The following CDCA2 variants were observed in gnomAD, a reference collection of about 807,000 sequenced individuals.
CDCA2 encodes cell division cycle-associated protein 2.
In CDCA2, 44 loss-of-function variants were observed where a neutral mutation model predicts 67.0. The observed-to-expected ratio is 0.66, with a 90% confidence interval of 0.52 to 0.84. CDCA2 has a LOEUF of 0.84. Ranked by LOEUF, CDCA2 falls within the 40% of genes least tolerant of loss-of-function variation. The probability of loss-of-function intolerance (pLI) is 0.00; values close to 1 mark genes in which losing one functional copy is unlikely to be tolerated. For missense variants in CDCA2, 1,253 were observed against 1,203.2 expected (o/e 1.04, Z -0.61); for synonymous variants, 447 against 418.7 (o/e 1.07, Z -0.82).
At chr8:25,467,395 A>G (rs1802958429) in intron 5 of CDCA2, among the ~76,000 whole-genome samples, 1 of 152,184 alleles carries the variant, frequency 6.6e-6, no homozygotes. Flanking sequence ...ATTCAGATGT[A>G]CCGATTTATA....
Position 25,507,637 on chromosome 8 carries a change from C to T in CDCA2, c.2971C>T (p.Gln991Ter), listed in dbSNP as rs1171946404. 1 of 1,614,148 alleles carries T rather than the reference C, an allele frequency of 6.2e-7. No individual in the cohort carries two copies. Reference sequence around the variant, plus strand: ...ACTTGCAAATACTAAAGCCACTTCCCAGTTCAAAGGCTACCGGAGAAGATC... The same window carrying T: ...ACTTGCAAATACTAAAGCCACTTCCTAGTTCAAAGGCTACCGGAGAAGATC... The part of the protein sequence containing the change: ...STLANTKATS[Q>*]FKGYRRRSSL... The change falls in exon 15 of 15, where the codon CAG becomes TAG. Residue 991 changes from glutamine to a stop codon, truncating the protein, a stop_gained. Transcript: ENST00000330560. LOFTEE classifies it low-confidence loss of function (END_TRUNC).
At chr8:25,505,241 G>C (rs112952792) in intron 14 of CDCA2, among the ~76,000 whole-genome samples, 4 of 151,744 alleles carry the variant, frequency 2.6e-5, no homozygotes, top group East Asian at 1.9e-4. Context: ...TCACTCTGTC[G>C]CCCAGCCTGG....
intron 11 of CDCA2, among the ~76,000 whole-genome samples, chr8:25,486,747 G>A (rs1180994313): frequency 1.3e-5 from 2 of 151,964 alleles, no homozygotes; most frequent in East Asian, 1.9e-4. Context: ...CCGGGGAGAC[G>A]GAGGTTGCAG....
intron 7 of CDCA2, among the ~76,000 whole-genome samples, chr8:25,470,869 C>G (rs769987708): frequency 1.3e-5 from 2 of 151,588 alleles, no homozygotes; most frequent in African/African-American, 2.4e-5. Context: ...TCAAGCCATT[C>G]TTGTGTTTCA....
At chr8:25,463,049 T>G (rs1184145777) in intron 4 of CDCA2, among the ~76,000 whole-genome samples, 1 of 152,154 alleles carries the variant, frequency 6.6e-6, no homozygotes, top group Non-Finnish European at 1.5e-5. Context: ...TTTCTCAATT[T>G]TTTTTTCTAG....
In CDCA2 at chr8:25,506,741, C is replaced by A; in HGVS notation, c.2075C>A (p.Pro692Gln). 6.2e-7 allele frequency: 1 copy of A among 1,611,746 alleles called. No individual in the cohort carries two copies. The highest frequency in any genetic ancestry group is 1.1e-5 in the South Asian group (1 of 90,400). ...AACATTAATGAAAATAAAAATATTC[C>A]AAAAGCAAAAAATAAGTCAGAAAGT... ...IMNINENKNI[P>Q]KAKNKSESEN... The change falls in exon 15 of 15, where the codon CCA (proline) becomes CAA (glutamine). Residue 692 changes from proline (P) to glutamine (Q), a missense_variant. Transcript: ENST00000330560.
rs774441754 is a variant in CDCA2 at position 25,466,203 on chromosome 8, A to G, written c.416A>G (p.Asn139Ser). 7 of 1,610,904 alleles carry G rather than the reference A, an allele frequency of 4.3e-6. No homozygotes were observed. In the Admixed American group the frequency reaches 1.2e-4, roughly 27 times the overall value. The stretch of plus-strand genomic sequence containing the variant: ...AGCCCTGCACTGTATCGAAATGTTA[A>G]CACTTTAAGAGAACGAATATCAGCC... The part of the protein sequence containing the change: ...QGSPALYRNV[N>S]TLRERISAFQ... The change falls in exon 5 of 15, where the codon AAC becomes AGC. Residue 139 changes from asparagine (N) to serine (S), a missense_variant. Transcript: ENST00000330560.
intron 4 of CDCA2, among the ~76,000 whole-genome samples, chr8:25,463,527 A>G (rs967400085): frequency 6.6e-6 from 1 of 152,178 alleles, no homozygotes; most frequent in Non-Finnish European, 1.5e-5. Context: ...TGATAGTCAT[A>G]ATGAATGACT....
At chr8:25,464,025 C>G (rs1421092075) in intron 4 of CDCA2, among the ~76,000 whole-genome samples, 1 of 152,236 alleles carries the variant, frequency 6.6e-6, no homozygotes, top group Non-Finnish European at 1.5e-5. Context: ...TAAGCCAGCA[C>G]TTTTAGGGAC....
In CDCA2 at chr8:25,484,089, G is replaced by T. The variant is rs1314288211; in HGVS notation, c.1244G>T (p.Arg415Leu). The T allele has an allele frequency of 6.2e-7, 1 of 1,614,198 alleles. No individual in the cohort carries two copies. Among genetic ancestry groups the T allele is most frequent in the Non-Finnish European group, 8.5e-7 (1 of 1,180,034 alleles). Residue 415 changes from arginine (R) to leucine (L), a missense_variant, in exon 10 of 15, where the codon CGT becomes CTT. Physicochemically the swap from Arg to Leu is moderately radical, Grantham distance 102 (BLOSUM62 -2). Coordinates refer to ENST00000330560, the MANE Select transcript of CDCA2 (RefSeq NM_152562.4). ...DESLPANTPLRKGGTPVCKKD... is the reference protein window; with the variant it reads ...DESLPANTPLLKGGTPVCKKD... ...TCTTTGCCAGCAAATACTCCATTGC[G>T]TAAAGGAGGAACACCTGTTTGTAAA...
intron 13 of CDCA2, among the ~76,000 whole-genome samples, chr8:25,501,784 A>G (rs911305775): frequency 2.6e-5 from 4 of 152,200 alleles, no homozygotes; most frequent in African/African-American, 9.7e-5. Context: ...TCCTTGAAGA[A>G]TACATCCTCT....
intron 13 of CDCA2, among the ~76,000 whole-genome samples, chr8:25,500,941 G>C (rs1015662330): frequency 3.3e-5 from 5 of 152,156 alleles, no homozygotes; most frequent in African/African-American, 1.2e-4. Context: ...CAAAGTATCT[G>C]CCACCAGAGG....
At position 25,480,188 on chromosome 8, in the gene CDCA2, C is replaced by T. The variant is rs61353334; in HGVS notation, c.1032+64C>T. 108 of 1,279,220 alleles carry T rather than the reference C, an allele frequency of 8.4e-5. 1 individual carries two copies. In the African/African-American group the frequency reaches 1.0e-3, roughly 12 times the overall value. The allele number at this position is 1,279,220 out of a possible 1,614,324, so 79.2% of individuals were successfully genotyped here. On this transcript the variant is annotated intron_variant, in intron 8 of 14. Coordinates refer to ENST00000330560, the MANE Select transcript of CDCA2 (RefSeq NM_152562.4). ...AAATGCATTTTGCTTCAAAGTAATA[C>T]CCTTGAAATGTCATATATCATGCTA...
At chr8:25,462,471 A>G (rs112939015) in intron 4 of CDCA2, among the ~76,000 whole-genome samples, 13 of 112,008 alleles carry the variant, frequency 1.2e-4, no homozygotes, top group African/African-American at 4.1e-4. Flanking sequence ...TACTAAAAAT[A>G]CGAAAATTAG....
intron 13 of CDCA2, among the ~76,000 whole-genome samples, chr8:25,489,678 A>G (rs984709288): frequency 2.0e-5 from 3 of 152,144 alleles, no homozygotes; most frequent in Admixed American, 6.5e-5. Flanking sequence ...TTCTTAATGG[A>G]CATCTTAGCA....
chr8:25,490,169 A>G (rs911353910), intron 13 of CDCA2, among the ~76,000 whole-genome samples: 1 of 152,166 alleles, frequency 6.6e-6, no homozygotes, highest in African/African-American at 2.4e-5. Flanking sequence ...AAATATACAT[A>G]CAACTTATTA....
At chr8:25,467,519 C>T (rs747778912) in intron 5 of CDCA2, among the ~76,000 whole-genome samples, 7 of 151,968 alleles carry the variant, frequency 4.6e-5, no homozygotes, top group Non-Finnish European at 8.8e-5. Context: ...AAAACAGGTA[C>T]GTTGTGGTTG....
chr8:25,480,146 C>G (rs764877762), intron 8 of CDCA2, 22 bp downstream of exon 8: 1 of 1,586,828 alleles, frequency 6.3e-7, no homozygotes, highest in South Asian at 1.1e-5. Flanking sequence ...GTTAAATTTC[C>G]TAAAGCAAAT....
At chr8:25,487,790 T>C (rs1586505988) in intron 12 of CDCA2, among the ~76,000 whole-genome samples, 2 of 152,080 alleles carry the variant, frequency 1.3e-5, no homozygotes, top group East Asian at 3.9e-4. Context: ...TATAAGGTGA[T>C]AGTGTGTTTC....
Sources: allele counts gnomAD v4.1 joint callset (sites outside exome capture counted in the v4.1 genomes callset), GRCh38; gene constraint gnomAD v4.1.1; transcripts MANE v1.5; gene names NCBI Gene and HGNC (gene_info 2026-07-23, HGNC 2026-07-21).